Variants in DMD observed in about 807,000 individuals in gnomAD.
The protein encoded by DMD is mutant dystrophin.
DMD carries 63 observed loss-of-function variants against 330.1 expected under a neutral mutation model. That is an observed-to-expected ratio of 0.19 (90% CI 0.16 to 0.24). The LOEUF is 0.24. Among genes scored for constraint, DMD ranks in the 10% least tolerant of loss-of-function variants. DMD has a pLI of 1.00. For synonymous variants in DMD, 1,223 were observed against 959.8 expected, an observed-to-expected ratio of 1.27 and a Z score of -5.07; for missense variants, 3,344 against 2,684.1, an observed-to-expected ratio of 1.25 and a Z score of -5.43.
At chrX:32,765,492 G>A (rs1669787844) in intron 7 of DMD, among the ~76,000 whole-genome samples, 1 of 111,369 alleles carries the variant, frequency 9.0e-6, no homozygotes, top group Non-Finnish European at 1.9e-5. Context: ...ACAGCCTACA[G>A]AAATGTGAGC....
intron 57 of DMD, among the ~76,000 whole-genome samples, chrX:31,481,307 A>G (rs151263112): frequency 0.047 from 5,313 of 112,173 alleles, 136 homozygotes; most frequent in Middle Eastern, 0.097. Flanking sequence ...TGTGCTTCAA[A>G]TAGATCTTCC....
At chrX:32,845,829 T>C (rs1326771009) in intron 3 of DMD, among the ~76,000 whole-genome samples, 1 of 112,218 alleles carries the variant, frequency 8.9e-6, no homozygotes, top group Non-Finnish European at 1.9e-5. Flanking sequence ...CTGTTAAAAA[T>C]GGACTTAATG....
rs902419170 is a variant in DMD, at chrX:31,521,573, C to T, written c.8218-14120G>A. ...CATTGTCGCTGACCCTGAGTATAAA[C>T]GAAGAAGCCTCATGGTGACCCAAAC... On this transcript the variant is annotated intron_variant, in intron 55 of 78. Transcript: ENST00000357033. 4.5e-5 allele frequency among the ~76,000 whole-genome samples: 5 copies of T among 112,049 alleles called. No homozygotes were observed. In the East Asian group the frequency reaches 1.4e-3, roughly 31 times the overall value.
chrX:32,545,507 T>C lies in DMD; in HGVS notation c.1993-173A>G, dbSNP rs747403893. 3.6e-5 allele frequency among the ~76,000 whole-genome samples: 4 copies of C among 112,150 alleles called. No individual in the cohort carries two copies. The East Asian group carries it at 1.1e-3, about 31-fold the overall frequency. ...ATAAAATTGTTTTATCTGACTTAAG[T>C]TTGGTTCACTGAAATAGCAAGGGAA... is the stretch of plus-strand genomic sequence containing the variant. On this transcript the variant is annotated intron_variant, in intron 16 of 78. Transcript: ENST00000357033.
chrX:31,402,659 T>G (rs968679329), intron 60 of DMD, among the ~76,000 whole-genome samples: 1 of 111,926 alleles, frequency 8.9e-6, no homozygotes, highest in African/African-American at 3.2e-5. Context: ...TGAAAAAGAA[T>G]TGAACAGAAG....
chrX:32,930,005 C>A (rs996497208), intron 2 of DMD, among the ~76,000 whole-genome samples: 3 of 111,408 alleles, frequency 2.7e-5, no homozygotes, highest in African/African-American at 9.8e-5. Flanking sequence ...TGCTGATATA[C>A]CCATCATAGT....
chrX:32,801,101 A>T (rs2076532258), intron 7 of DMD, among the ~76,000 whole-genome samples: 1 of 111,557 alleles, frequency 9.0e-6, no homozygotes, highest in Non-Finnish European at 1.9e-5. Flanking sequence ...AGCAATCACC[A>T]CACTGTCTTC....
chrX:31,220,877 ATT>A (rs66621875), intron 64 of DMD, among the ~76,000 whole-genome samples: 4,373 of 69,364 alleles, frequency 0.063, 243 homozygotes, highest in African/African-American at 0.18. Flanking sequence ...TTCCTAAAAC[ATT>A]TTTTTTTTTT....
intron 43 of DMD, among the ~76,000 whole-genome samples, chrX:32,219,086 G>A (rs934628064): frequency 8.0e-5 from 9 of 111,822 alleles, no homozygotes; most frequent in South Asian, 7.4e-4. Flanking sequence ...AAAGGCAACC[G>A]AAGGTAGCCG....
At chrX:31,750,030 G>C (rs1228984754) in intron 51 of DMD, among the ~76,000 whole-genome samples, 5 of 110,397 alleles carry the variant, frequency 4.5e-5, no homozygotes, top group Non-Finnish European at 9.5e-5. Context: ...GTTCATTGTA[G>C]ATTCTGGATA....
chrX:32,076,019 C>T (rs1369315667), intron 44 of DMD, among the ~76,000 whole-genome samples: 1 of 82,437 alleles, frequency 1.2e-5, no homozygotes, highest in East Asian at 4.6e-4. Flanking sequence ...TTGCACTGCA[C>T]TCCAGCCTGG....
At chrX:33,112,573 A>G (rs188869783) in intron 1 of DMD, among the ~76,000 whole-genome samples, 119 of 111,452 alleles carry the variant, frequency 1.1e-3, no homozygotes, top group African/African-American at 3.8e-3. Context: ...GCATAATTGG[A>G]AGTGTACCGT....
intron 1 of DMD, among the ~76,000 whole-genome samples, chrX:33,327,208 T>C (rs1043908768): frequency 8.9e-6 from 1 of 111,738 alleles, no homozygotes; most frequent in Non-Finnish European, 1.9e-5. Context: ...GGAAGTACTA[T>C]TGAGTATCTA....
At chrX:33,119,667 A>G (rs1169678559) in intron 1 of DMD, among the ~76,000 whole-genome samples, 1 of 111,728 alleles carries the variant, frequency 9.0e-6, no homozygotes, top group Non-Finnish European at 1.9e-5. Context: ...TGGACGCATC[A>G]GAGCAGTAAC....
At chrX:31,152,357 T>A (rs2037536364) in intron 74 of DMD, among the ~76,000 whole-genome samples, 2 of 110,001 alleles carry the variant, frequency 1.8e-5, no homozygotes, top group African/African-American at 6.7e-5. Context: ...AGAGGCAGGG[T>A]TTCACCATGT....
chrX:32,904,772 C>A (rs1569541247), intron 2 of DMD, among the ~76,000 whole-genome samples: 1 of 111,466 alleles, frequency 9.0e-6, no homozygotes, highest in Non-Finnish European at 1.9e-5. Context: ...GACAGGGTTT[C>A]ACCATGTTGG....
chrX:32,724,505 AT>A (rs934815090), intron 7 of DMD, among the ~76,000 whole-genome samples: 1 of 111,850 alleles, frequency 8.9e-6, no homozygotes. Flanking sequence ...TTGATTTACA[AT>A]TCAGTTAGGA....
chrX:31,256,564 AT>A lies in DMD; in HGVS notation c.9286+4390del, dbSNP rs1183701567. ...AATTATCTTATATTGTTTTTTATCT[AT>A]TTTTTAATCAAAAAAGTTCTATTTT... On this transcript the variant is annotated intron_variant, in intron 63 of 78. Transcript: ENST00000357033. Among the ~76,000 whole-genome samples, 408 of 111,548 alleles carry A rather than the reference AT, an allele frequency of 3.7e-3. 2 individuals carry two copies. Among genetic ancestry groups the A allele is most frequent in the African/African-American group, 0.012 (369 of 30,713 alleles).
In DMD at chrX:31,120,649, T is replaced by C. The variant is rs556300211; in HGVS notation, c.*1270A>G. 2 of 111,953 alleles carry C rather than the reference T, an allele frequency of 1.8e-5. No homozygotes were observed. The highest frequency in any genetic ancestry group is 3.2e-5 in the African/African-American group (1 of 30,893). 9.2% of individuals were successfully genotyped at this position (111,953 alleles called of 1,213,427 possible). On this transcript the variant is annotated 3_prime_UTR_variant, in exon 79 of 79. Transcript: ENST00000357033. ...TAATTACAGAGAACTTTATGTATTA[T>C]GAACAATCATCCAATCCTTCACTTA...
Sources: allele counts gnomAD v4.1 joint callset (sites outside exome capture counted in the v4.1 genomes callset), GRCh38; gene constraint gnomAD v4.1.1; transcripts MANE v1.5; gene names NCBI Gene and HGNC (gene_info 2026-07-23, HGNC 2026-07-21).